Variants in USP14 observed in about 807,000 individuals in gnomAD.
USP14 encodes ubiquitin carboxyl-terminal hydrolase 14.
A neutral mutation model predicts 76.5 loss-of-function variants in USP14; 38 were observed. The observed-to-expected ratio is 0.50, with a 90% confidence interval of 0.38 to 0.65. The LOEUF (loss-of-function observed/expected upper bound fraction) is 0.65. USP14 is among the 30% of genes least tolerant of loss of function. The pLI is 0.00. For missense variants in USP14, 467 were observed against 586.5 expected (o/e 0.80, Z 2.10); for synonymous variants, 192 against 191.7 (o/e 1.00, Z -0.01).
chr18:198,380 G>A (rs1392697480), intron 9 of USP14, among the ~76,000 whole-genome samples: 1 of 152,140 alleles, frequency 6.6e-6, no homozygotes, highest in Non-Finnish European at 1.5e-5. Flanking sequence ...GATTACAGGT[G>A]CATGCCACCA....
chr18:163,987 TA>T (rs1461637332), intron 2 of USP14, among the ~76,000 whole-genome samples: 1 of 152,210 alleles, frequency 6.6e-6, no homozygotes, highest in Non-Finnish European at 1.5e-5. Context: ...ACTAGGGAAC[TA>T]GCAGGTAATG....
intron 3 of USP14, among the ~76,000 whole-genome samples, chr18:175,492 A>G (rs554943291): frequency 1.3e-5 from 2 of 152,266 alleles, no homozygotes; most frequent in Non-Finnish European, 2.9e-5. Flanking sequence ...CCTTTTCTAT[A>G]TCATTTCTTC....
intron 6 of USP14, among the ~76,000 whole-genome samples, chr18:193,517 G>A (rs563796935): frequency 1.3e-5 from 2 of 152,006 alleles, no homozygotes; most frequent in African/African-American, 2.4e-5. Context: ...CCACAGAGTT[G>A]TGCAAATATT....
In USP14 at chr18:158,571, G is replaced by C. The variant is rs1474147142; in HGVS notation, c.-128G>C. On this transcript the variant is annotated 5_prime_UTR_variant, in exon 1 of 16. Coordinates refer to ENST00000261601, the MANE Select transcript of USP14 (RefSeq NM_005151.4). ...GTGGCCGGTTTGAATGAGACTCGTC[G>C]CACCGAAGCCGCCGCCACCACCGCG... The C allele has an allele frequency of 1.2e-5, 11 of 949,372 alleles. No homozygotes were observed. The highest frequency in any genetic ancestry group is 2.7e-5 in the Admixed American group (1 of 36,498). The allele number at this position is 949,372 out of a possible 1,614,324, so 58.8% of individuals were successfully genotyped here. A position where few individuals can be genotyped will look rare whatever the true frequency, so the allele number is the denominator to read the frequency against.
intron 2 of USP14, among the ~76,000 whole-genome samples, 157 bp downstream of exon 2, chr18:163,610 T>A (rs1909185727): frequency 6.6e-6 from 1 of 152,220 alleles, no homozygotes; most frequent in Non-Finnish European, 1.5e-5. Flanking sequence ...TTATGCCTGT[T>A]AGAGTAAGGG....
intron 5 of USP14, among the ~76,000 whole-genome samples, chr18:181,769 A>G (rs1262174698): frequency 1.3e-5 from 2 of 152,086 alleles, no homozygotes; most frequent in Admixed American, 6.6e-5. Context: ...TTTATCACAT[A>G]TGCTTTTGGT....
intron 6 of USP14, among the ~76,000 whole-genome samples, chr18:196,194 T>G (rs535231400): frequency 3.3e-5 from 5 of 151,840 alleles, no homozygotes; most frequent in Admixed American, 1.3e-4. Context: ...CATGGTGGCA[T>G]GCTCCTGTAA....
At chr18:174,022 C>T (rs191562275) in intron 3 of USP14, among the ~76,000 whole-genome samples, 74 of 151,948 alleles carry the variant, frequency 4.9e-4, no homozygotes, top group South Asian at 2.1e-4. Flanking sequence ...TTTAAAGTTG[C>T]GTTGGCTATT....
At chr18:202,578 C>T (rs1910412662) in intron 10 of USP14, among the ~76,000 whole-genome samples, 1 of 152,070 alleles carries the variant, frequency 6.6e-6, no homozygotes, top group African/African-American at 2.4e-5. Context: ...ATATAAAATA[C>T]AATATAAAAT....
chr18:162,922 T>G (rs1909162641), intron 1 of USP14: 1 of 155,120 alleles, frequency 6.4e-6, no homozygotes, highest in South Asian at 2.0e-4. Flanking sequence ...CTCAGCCTCC[T>G]GAGTAGCTGG....
At chr18:171,025 A>ATATATATATATATAG in intron 3 of USP14, among the ~76,000 whole-genome samples, 1 of 47,652 alleles carries the variant, frequency 2.1e-5, no homozygotes, top group East Asian at 9.2e-4. Context: ...AAAAAAAAAA[A>ATATATATATATATAG]ATATATATAT....
intron 3 of USP14, among the ~76,000 whole-genome samples, chr18:177,520 G>A (rs1909659856): frequency 6.6e-6 from 1 of 151,356 alleles, no homozygotes; most frequent in African/African-American, 2.4e-5. Context: ...AATAAAAGGT[G>A]ATAGAATAAA....
chr18:186,872 G>A (rs2143033156), intron 5 of USP14, among the ~76,000 whole-genome samples: 1 of 152,234 alleles, frequency 6.6e-6, no homozygotes, highest in African/African-American at 2.4e-5. Context: ...TTGTGCTCAT[G>A]TCTTTGTTTT....
At chr18:181,913 G>A (rs988457408) in intron 5 of USP14, among the ~76,000 whole-genome samples, 1 of 151,724 alleles carries the variant, frequency 6.6e-6, no homozygotes, top group Non-Finnish European at 1.5e-5. Context: ...GAGGGAGGGA[G>A]GTATTTGCCT....
chr18:179,801 G>A (rs1345276083), intron 4 of USP14, among the ~76,000 whole-genome samples: 1 of 148,984 alleles, frequency 6.7e-6, no homozygotes, highest in Admixed American at 6.7e-5. Flanking sequence ...GGGTCTTGCC[G>A]TGTTGCCTAG....
At position 213,535 on chromosome 18, in the gene USP14, T is replaced by C. The variant is rs1380063117; in HGVS notation, c.*2251T>C. ...GAGTAGGCCAAAAAAAAAAAAGTCT[T>C]GATTCCTGAATGTGCCTTATATGCT... is the stretch of plus-strand genomic sequence containing the variant. On this transcript the variant is annotated 3_prime_UTR_variant, in exon 16 of 16. Coordinates refer to ENST00000261601, the MANE Select transcript of USP14 (RefSeq NM_005151.4). 1 of 152,462 alleles carries C rather than the reference T, an allele frequency of 6.6e-6. No homozygotes were observed. The highest frequency in any genetic ancestry group is 1.5e-5 in the Non-Finnish European group (1 of 68,022). 9.4% of individuals were successfully genotyped at this position (152,462 alleles called of 1,614,324 possible).
intron 6 of USP14, 91 bp from the exon 7 acceptor site, chr18:196,546 G>C: frequency 1.4e-6 from 2 of 1,424,056 alleles, no homozygotes; most frequent in Admixed American, 2.4e-5. Context: ...AATTAAGTAA[G>C]TTTTTGTTTG....
chr18:186,082 G>A (rs2143030812), intron 5 of USP14, among the ~76,000 whole-genome samples: 1 of 152,194 alleles, frequency 6.6e-6, no homozygotes. Flanking sequence ...CTACATATTT[G>A]ATATTCACTT....
rs746309577 is a variant in USP14, at chr18:203,047, C to T, written c.943-51C>T. ...AATTTTTACCACCAAATAATTAAAACTTGTATGGTATTTTGATGTAATGGG... is the reference window on the plus strand; with the variant it reads ...AATTTTTACCACCAAATAATTAAAATTTGTATGGTATTTTGATGTAATGGG... On this transcript the variant is annotated intron_variant, in intron 11 of 15. Transcript: ENST00000261601. 3.7e-6 allele frequency: 6 copies of T among 1,603,414 alleles called. No homozygotes were observed. The African/African-American group carries it at 8.1e-5, about 22-fold the overall frequency.
Sources: allele counts gnomAD v4.1 joint callset (sites outside exome capture counted in the v4.1 genomes callset), GRCh38; gene constraint gnomAD v4.1.1; transcripts MANE v1.5; gene names NCBI Gene and HGNC (gene_info 2026-07-23, HGNC 2026-07-21).